INPP5F: variants seen among roughly 807,000 people sequenced by gnomAD.
INPP5F encodes inositol polyphosphate-5-phosphatase F, also known as phosphatidylinositide 4-phosphatase SAC2.
INPP5F carries 97 observed loss-of-function variants against 137.2 expected under a neutral mutation model. The observed-to-expected ratio is 0.71, with a 90% CI of 0.60 to 0.84. The LOEUF (loss-of-function observed/expected upper bound fraction) is 0.84. Among genes scored for constraint, INPP5F ranks in the 40% least tolerant of loss-of-function variants. The pLI is 0.00. For synonymous variants in INPP5F, 504 were observed against 476.9 expected, an observed-to-expected ratio of 1.06 and a Z score of -0.74; for missense variants, 1,271 against 1,371.9, an observed-to-expected ratio of 0.93 and a Z score of 1.16.
chr10:119,742,084 A>G (rs531499949), intron 1 of INPP5F, among the ~76,000 whole-genome samples: 15 of 152,262 alleles, frequency 9.9e-5, no homozygotes, highest in Admixed American at 4.6e-4. Flanking sequence ...TGGTCTCCCA[A>G]AATGCTGGGT....
rs747707093 is a variant in INPP5F at position 119,823,149 on chromosome 10, A to C, written c.2111A>C (p.Tyr704Ser). ...LHYRYKEASG[Y>S]FHTLRAVMRN... ...TACAGATACAAAGAAGCGAGTGGCT[A>C]TTTCCACACATTGCGAGCTGTAATG... is the stretch of plus-strand genomic sequence containing the variant. Residue 704 changes from tyrosine to serine, a missense_variant, in exon 18 of 20, where the codon TAT becomes TCT. This residue lies in a region of INPP5F where 593 missense variants were observed against 712.4 expected (regional missense o/e 0.83). Transcript: ENST00000650623. 1 of 1,614,162 alleles carries C rather than the reference A, an allele frequency of 6.2e-7. No homozygotes were observed. Among genetic ancestry groups the C allele is most frequent in the Non-Finnish European group, 8.5e-7 (1 of 1,180,002 alleles).
intron 2 of INPP5F, among the ~76,000 whole-genome samples, chr10:119,762,929 A>AG (rs1260351150): frequency 6.6e-6 from 1 of 152,202 alleles, no homozygotes; most frequent in East Asian, 1.9e-4. Context: ...ATCAACTCTT[A>AG]AAGTAAAAAA....
intron 2 of INPP5F, among the ~76,000 whole-genome samples, chr10:119,753,380 G>A (rs1848742596): frequency 6.6e-6 from 1 of 152,196 alleles, no homozygotes; most frequent in African/African-American, 2.4e-5. Flanking sequence ...TATGTAACAA[G>A]CCAGTCCCAA....
At chr10:119,804,122 A>C (rs748513281) in intron 9 of INPP5F, 51 bp from the exon 10 acceptor site, 2 of 1,358,446 alleles carry the variant, frequency 1.5e-6, no homozygotes, top group Non-Finnish European at 2.0e-6. Flanking sequence ...TTTAAACCAC[A>C]TTGTGATTCT....
chr10:119,821,442 A>G (rs2057858648), intron 16 of INPP5F, among the ~76,000 whole-genome samples: 1 of 152,176 alleles, frequency 6.6e-6, no homozygotes, highest in Non-Finnish European at 1.5e-5. Flanking sequence ...ATCTCCAGAA[A>G]GACTCTCAAT....
intron 2 of INPP5F, among the ~76,000 whole-genome samples, chr10:119,767,123 A>AAAAAAAC (rs1849194824): frequency 2.7e-5 from 4 of 150,262 alleles, no homozygotes; most frequent in East Asian, 3.9e-4. Context: ...AAAAAAAAAA[A>AAAAAAAC]AAAAAAAAAA....
intron 2 of INPP5F, among the ~76,000 whole-genome samples, chr10:119,777,632 C>G (rs1849569733): frequency 1.3e-5 from 2 of 152,110 alleles, no homozygotes; most frequent in African/African-American, 4.8e-5. Context: ...TGACATTGAA[C>G]AGTTTATTAT....
At chr10:119,805,797 C>T (rs1850758432) in intron 11 of INPP5F, among the ~76,000 whole-genome samples, 1 of 152,188 alleles carries the variant, frequency 6.6e-6, no homozygotes, top group South Asian at 2.1e-4. Flanking sequence ...CTTAGAGGTA[C>T]TTTGTCTCAG....
intron 9 of INPP5F, among the ~76,000 whole-genome samples, chr10:119,803,063 G>A (rs918016273): frequency 5.3e-5 from 8 of 151,126 alleles, no homozygotes; most frequent in African/African-American, 1.7e-4. Flanking sequence ...ATTTTTTTCC[G>A]TATTGGATTT....
At chr10:119,767,747 T>C (rs1849219263) in intron 2 of INPP5F, among the ~76,000 whole-genome samples, 1 of 152,184 alleles carries the variant, frequency 6.6e-6, no homozygotes, top group South Asian at 2.1e-4. Flanking sequence ...TAACGAAAAC[T>C]GGTGTCACTG....
Position 119,827,570 on chromosome 10 carries a change from TAGC to T in INPP5F, c.3195_3197del (p.Ser1065del). 6.2e-7 allele frequency: 1 copy of T among 1,614,162 alleles called. No individual in the cohort carries two copies. The stretch of plus-strand genomic sequence containing the variant: ...TAACTCCTTCTCCTTCAGAGAGCAG[TAGC>T]AGCAGAGCAGTCTCTCCCTTTGCCA... On this transcript the variant is annotated inframe_deletion, in exon 20 of 20. Coordinates refer to ENST00000650623, the MANE Select transcript of INPP5F (RefSeq NM_014937.4).
Position 119,826,865 on chromosome 10 carries a change from T to C in INPP5F, c.2484T>C (p.Asp828=), listed in dbSNP as rs1851780328. Residue 828 remains aspartate, a synonymous_variant, in exon 20 of 20, where the codon GAT becomes GAC. Coordinates refer to ENST00000650623, the MANE Select transcript of INPP5F (RefSeq NM_014937.4). ...PNLKVNLWKS[D]SSLETMENTG... is the part of the protein sequence containing the mutation. ...TAAAAGTAAATCTTTGGAAATCAGA[T>C]AGTAGTCTTGAAACTATGGAAAACA... 1 of 1,613,978 alleles carries C rather than the reference T, an allele frequency of 6.2e-7. No homozygotes were observed. The highest frequency in any genetic ancestry group is 1.1e-5 in the South Asian group (1 of 91,056).
Position 119,810,199 on chromosome 10 carries a change from T to A in INPP5F, c.1669T>A (p.Tyr557Asn). The change falls in exon 14 of 20, where the codon TAT becomes AAT. Residue 557 changes from tyrosine (Y) to asparagine (N), a missense_variant. Coordinates refer to ENST00000650623, the MANE Select transcript of INPP5F (RefSeq NM_014937.4). ...TTACCTCAACCGATTTAAGGATGCT[T>A]ATAGGCAAGCTGTTATAGGTAAGAA... ...RYYLNRFKDAYRQAVIDLMQG... is the reference protein window; with the variant it reads ...RYYLNRFKDANRQAVIDLMQG... 1 of 1,601,232 alleles carries A rather than the reference T, an allele frequency of 6.2e-7. No homozygotes were observed. The highest frequency in any genetic ancestry group is 1.7e-4 in the Middle Eastern group (1 of 6,042).
At chr10:119,820,144 G>T (rs1466737230) in intron 15 of INPP5F, among the ~76,000 whole-genome samples, 1 of 152,136 alleles carries the variant, frequency 6.6e-6, no homozygotes. Context: ...TATACTTTAA[G>T]AATTTTCTTA....
At chr10:119,815,985 T>A (rs935065213) in intron 15 of INPP5F, 6 of 152,376 alleles carry the variant, frequency 3.9e-5, no homozygotes, top group Admixed American at 2.6e-4. Context: ...GGGGACAGGA[T>A]GAGGTGGATG....
intron 10 of INPP5F, among the ~76,000 whole-genome samples, chr10:119,805,138 G>C (rs1000839269): frequency 6.6e-6 from 1 of 152,084 alleles, no homozygotes; most frequent in Non-Finnish European, 1.5e-5. Context: ...AAATTTGGTG[G>C]GGAAAGAAGC....
chr10:119,732,503 T>TC (rs1848108393), intron 1 of INPP5F, among the ~76,000 whole-genome samples: 1 of 145,152 alleles, frequency 6.9e-6, no homozygotes, highest in African/African-American at 2.5e-5. Context: ...CTTTTTTCTT[T>TC]TTTTTTTTTT....
Position 119,798,536 on chromosome 10 carries a change from T to C in INPP5F, c.1049-7T>C. On this transcript the variant is annotated splice_polypyrimidine_tract_variant and splice_region_variant and intron_variant, in intron 8 of 19. Coordinates refer to ENST00000650623, the MANE Select transcript of INPP5F (RefSeq NM_014937.4). ...GGAAAAAAAGATTTTGTATCACTTC[T>C]TTGTAGGTGAAAAGGAAACTGTTGC... 6.2e-7 allele frequency: 1 copy of C among 1,606,892 alleles called. No homozygotes were observed. Among genetic ancestry groups the C allele is most frequent in the Non-Finnish European group, 8.5e-7 (1 of 1,175,274 alleles).
intron 2 of INPP5F, among the ~76,000 whole-genome samples, chr10:119,777,382 C>T (rs1169930831): frequency 6.6e-6 from 1 of 152,080 alleles, no homozygotes; most frequent in Non-Finnish European, 1.5e-5. Context: ...AAAAATTAGC[C>T]AGGCGTGGTG....
Sources: gnomAD v4.1 joint callset for allele counts (sites outside exome capture counted in the v4.1 genomes callset) on GRCh38, gnomAD v4.1.1 for gene constraint, gnomAD v4.1.1 regional missense constraint, MANE v1.5 for transcripts, NCBI Gene and HGNC (gene_info 2026-07-23, HGNC 2026-07-21) for gene names.